PKIB: variants seen among roughly 807,000 people sequenced by gnomAD.
The protein encoded by PKIB is PKI-beta.
In PKIB, 2 loss-of-function variants were observed where a neutral mutation model predicts 4.5. The observed-to-expected ratio is 0.44, with a 90% confidence interval of 0.18 to 1.39. The LOEUF (loss-of-function observed/expected upper bound fraction) is 1.39, where lower values mean the gene tolerates loss of function less well. Among genes scored for constraint, PKIB ranks in the 40% most tolerant of loss-of-function variants. PKIB has a pLI of 0.27. For missense variants in PKIB, 94 were observed against 92.6 expected (o/e 1.02, Z -0.06); for synonymous variants, 38 against 36.0 (o/e 1.06, Z -0.20).
rs569375420 is a variant in PKIB at position 122,479,526 on chromosome 6, A to C, written c.-248+1587A>C. On this transcript the variant is annotated intron_variant, in intron 2 of 6. Coordinates refer to the PKIB transcript ENST00000392491. Reference sequence around the variant, plus strand: ...TTTTGATAAATATCACAAAACAGAAATGAGAGTACAATGCATTTACTCATG... The same window carrying C: ...TTTTGATAAATATCACAAAACAGAACTGAGAGTACAATGCATTTACTCATG... The C allele has an allele frequency of 6.6e-5, 10 of 152,356 alleles. No homozygotes were observed. The South Asian group carries it at 2.1e-3, about 32-fold the overall frequency. 9.4% of individuals were successfully genotyped at this position (152,356 alleles called of 1,614,324 possible).
rs1020706325 is a variant in PKIB at position 122,578,198 on chromosome 6, G to A, written c.-247-7723G>A. Among the ~76,000 whole-genome samples, 7 of 151,966 alleles carry A rather than the reference G, an allele frequency of 4.6e-5. 1 individual carries two copies. The highest frequency in any genetic ancestry group is 1.7e-4 in the African/African-American group (7 of 41,348). On this transcript the variant is annotated intron_variant, in intron 2 of 6. Coordinates refer to the PKIB transcript ENST00000392491. Reference sequence around the variant, plus strand: ...GAGTAAAATGAGGCTGGGAACCATGGCTAAAAATTAAATCAGGGTTCAACG... The same window carrying A: ...GAGTAAAATGAGGCTGGGAACCATGACTAAAAATTAAATCAGGGTTCAACG...
intron 3 of PKIB, chr6:122,701,386 A>G (rs1778807617): frequency 1.4e-6 from 2 of 1,438,766 alleles, no homozygotes; most frequent in African/African-American, 2.8e-5. Flanking sequence ...AGCTCTGGTA[A>G]GCAGGAATGA....
At chr6:122,576,647 C>T (rs1458355619) in intron 2 of PKIB, among the ~76,000 whole-genome samples, 4 of 106,322 alleles carry the variant, frequency 3.8e-5, no homozygotes, top group African/African-American at 1.5e-4. Context: ...CCAGCCTGAG[C>T]GACAGAGCGA....
upstream of PKIB, among the ~76,000 whole-genome samples, chr6:122,607,863 G>A (rs1320111697): frequency 1.3e-5 from 2 of 152,188 alleles, no homozygotes; most frequent in East Asian, 1.9e-4. Flanking sequence ...ATCCACTTAC[G>A]TTTTTCCTCC....
chr6:122,549,739 C>A (rs981347345), intron 2 of PKIB, among the ~76,000 whole-genome samples: 4 of 151,160 alleles, frequency 2.6e-5, no homozygotes, highest in African/African-American at 9.7e-5. Context: ...TCTCACTTTT[C>A]CAGTTCTCTT....
chr6:122,701,269 T>G lies in PKIB; in HGVS notation c.-8-16518T>G. On this transcript the variant is annotated intron_variant, in intron 3 of 4. Transcript: ENST00000368452. ...CACAAACCTCACACAGGGCTGCCTC[T>G]GCGCCTGTTCCATAGGTGTACCATT... 7.2e-6 allele frequency: 4 copies of G among 552,638 alleles called. No homozygotes were observed. In the South Asian group the frequency reaches 9.3e-5, roughly 13 times the overall value. The allele number at this position is 552,638 out of a possible 1,614,324, so 34.2% of individuals were successfully genotyped here.
intron 2 of PKIB, among the ~76,000 whole-genome samples, chr6:122,573,098 A>T (rs1391043486): frequency 6.6e-6 from 1 of 152,206 alleles, no homozygotes; most frequent in East Asian, 1.9e-4. Context: ...TAAAGAGGGA[A>T]TCCTCCCTAA....
chr6:122,717,498 A>G (rs1779546926), intron 3 of PKIB: 1 of 415,184 alleles, frequency 2.4e-6, no homozygotes. Context: ...ATCCACAGAA[A>G]AGCAGAACAA....
intron 2 of PKIB, among the ~76,000 whole-genome samples, chr6:122,532,249 A>G (rs536414171): frequency 2.0e-5 from 3 of 152,332 alleles, no homozygotes; most frequent in African/African-American, 7.2e-5. Context: ...TGGGGAACTA[A>G]GTAATTAATT....
intron 2 of PKIB, chr6:122,531,361 A>G (rs966530558): frequency 2.6e-5 from 4 of 152,178 alleles, no homozygotes; most frequent in Admixed American, 1.3e-4. Flanking sequence ...GCACACAAAG[A>G]GTAACAGAAA....
rs567992324 is a variant in PKIB at position 122,484,005 on chromosome 6, G to C, written c.-248+6066G>C. On this transcript the variant is annotated intron_variant, in intron 2 of 6. Transcript: ENST00000392491. ...TAGCTAGGATAGAATACATCTGTAC[G>C]TGAAGGTCTTTGAGGGCAGAGGCCA... 5.3e-5 allele frequency: 8 copies of C among 152,278 alleles called. No homozygotes were observed. In the South Asian group the frequency reaches 1.7e-3, roughly 32 times the overall value. 9.4% of individuals were successfully genotyped at this position (152,278 alleles called of 1,614,324 possible). A position where few individuals can be genotyped will look rare whatever the true frequency, so the allele number is the denominator to read the frequency against.
At chr6:122,566,404 A>AT (rs1205331847) in intron 2 of PKIB, among the ~76,000 whole-genome samples, 119 of 152,192 alleles carry the variant, frequency 7.8e-4, no homozygotes, top group Non-Finnish European at 1.9e-4. Flanking sequence ...ATTTCACAAG[A>AT]TTTTTTTAAT....
At position 122,488,596 on chromosome 6, in the gene PKIB, A is replaced by G. The variant is rs796917243; in HGVS notation, c.-248+10657A>G. ...ACAGGCACACCATTATGGCCAACTAATTTTTGTATTTTTTTTTTGTAGAAA... is the reference window on the plus strand; with the variant it reads ...ACAGGCACACCATTATGGCCAACTAGTTTTTGTATTTTTTTTTTGTAGAAA... On this transcript the variant is annotated intron_variant, in intron 2 of 6. Transcript: ENST00000392491. Among the ~76,000 whole-genome samples the G allele has an allele frequency of 4.1e-4, 62 of 151,856 alleles. 1 individual carries two copies. Among genetic ancestry groups the G allele is most frequent in the African/African-American group, 1.3e-3 (54 of 41,394 alleles).
At chr6:122,494,444 G>A (rs1224895928) in intron 2 of PKIB, among the ~76,000 whole-genome samples, 2 of 152,164 alleles carry the variant, frequency 1.3e-5, no homozygotes, top group Non-Finnish European at 2.9e-5. Flanking sequence ...AGAGTGCTAT[G>A]GCACAAGGGT....
intron 2 of PKIB, among the ~76,000 whole-genome samples, chr6:122,584,550 A>G (rs1773797038): frequency 6.6e-6 from 1 of 152,240 alleles, no homozygotes; most frequent in Admixed American, 6.6e-5. Context: ...AGAAATACGC[A>G]AAAATTAAGT....
At chr6:122,717,478 T>G in intron 3 of PKIB, 2 of 390,074 alleles carry the variant, frequency 5.1e-6, no homozygotes, top group Non-Finnish European at 9.1e-6. Context: ...AGCCCTAGTT[T>G]GGCTGATCCA....
At chr6:122,671,604 T>C (rs1777465741) in intron 2 of PKIB, among the ~76,000 whole-genome samples, 1 of 152,182 alleles carries the variant, frequency 6.6e-6, no homozygotes, top group Admixed American at 6.5e-5. Context: ...ATGTTTACAA[T>C]TCATTTTTCA....
chr6:122,534,840 G>A (rs1314750839), intron 2 of PKIB, among the ~76,000 whole-genome samples: 11 of 152,032 alleles, frequency 7.2e-5, no homozygotes, highest in Admixed American at 2.6e-4. Context: ...TGAATTAAAA[G>A]TATTGATATT....
intron 2 of PKIB, among the ~76,000 whole-genome samples, chr6:122,659,921 G>A (rs1776920378): frequency 6.6e-6 from 1 of 152,056 alleles, no homozygotes; most frequent in East Asian, 1.9e-4. Flanking sequence ...CACAGAGAAT[G>A]ACAGTGCACA....
Sources: allele counts gnomAD v4.1 joint callset (sites outside exome capture counted in the v4.1 genomes callset), GRCh38; gene constraint gnomAD v4.1.1; transcripts MANE v1.5; gene names NCBI Gene and HGNC (gene_info 2026-07-23, HGNC 2026-07-21).